TMEM156: variants seen among roughly 807,000 people sequenced by gnomAD.
TMEM156 encodes transmembrane protein 156.
Under a neutral mutation model 30.5 loss-of-function variants are expected in TMEM156, and 28 were observed. The ratio of observed to expected loss-of-function variants is 0.92; its 90% CI spans 0.68 to 1.26. The LOEUF is 1.26. Ranked by LOEUF, TMEM156 falls within the 50% of genes most tolerant of loss-of-function variation. The pLI, the probability that TMEM156 is intolerant of heterozygous loss-of-function variation, is 0.00. For synonymous variants in TMEM156, 137 were observed against 119.9 expected (o/e 1.14, Z -0.93); for missense variants, 351 against 340.6 (o/e 1.03, Z -0.24).
intron 5 of TMEM156, among the ~76,000 whole-genome samples, chr4:38,984,544 C>G (rs201006075): frequency 6.6e-6 from 1 of 152,102 alleles, no homozygotes; most frequent in East Asian, 1.9e-4. Flanking sequence ...TCCAGAGAAC[C>G]ATGCTGACAC....
intron 1 of TMEM156, among the ~76,000 whole-genome samples, chr4:39,002,580 C>A (rs1344288196): frequency 7.0e-6 from 1 of 143,820 alleles, no homozygotes; most frequent in Non-Finnish European, 1.5e-5. Context: ...AAGACACATG[C>A]ACACGTATGT....
In TMEM156 at chr4:38,986,604, C is replaced by G. The variant is rs145339353; in HGVS notation, c.740-185G>C. 8.0e-3 allele frequency among the ~76,000 whole-genome samples: 1,220 copies of G among 151,622 alleles called. 15 individuals are homozygous for G. The highest frequency in any genetic ancestry group is 0.027 in the African/African-American group (1,133 of 41,376). The stretch of plus-strand genomic sequence containing the variant: ...CAGGGAGATCACGAAGTCAGGAGTT[C>G]GAACCCAGCCTGGCCAATATGGTGA... On this transcript the variant is annotated intron_variant, in intron 4 of 6. Coordinates refer to ENST00000381938, the MANE Select transcript of TMEM156 (RefSeq NM_024943.3).
chr4:38,980,595 A>G (rs1723129636), intron 5 of TMEM156, among the ~76,000 whole-genome samples: 1 of 152,198 alleles, frequency 6.6e-6, no homozygotes, highest in Non-Finnish European at 1.5e-5. Flanking sequence ...AATAACACAA[A>G]GCACAATAAC....
At chr4:39,032,064 T>C (rs978921203) in intron 1 of TMEM156, among the ~76,000 whole-genome samples, 162 bp downstream of exon 1, 3 of 152,158 alleles carry the variant, frequency 2.0e-5, no homozygotes, top group African/African-American at 7.2e-5. Flanking sequence ...CTGTACTATA[T>C]AACAGTCAAC....
At chr4:39,020,102 A>T (rs1382974372) in intron 1 of TMEM156, among the ~76,000 whole-genome samples, 1 of 152,184 alleles carries the variant, frequency 6.6e-6, no homozygotes, top group Non-Finnish European at 1.5e-5. Flanking sequence ...AGTATCCCCC[A>T]GATTCATTCA....
intron 3 of TMEM156, among the ~76,000 whole-genome samples, chr4:38,991,227 CT>C (rs111885547): frequency 0.018 from 2,257 of 126,428 alleles, 38 homozygotes; most frequent in African/African-American, 0.056. Flanking sequence ...CTTTTCTTTT[CT>C]TTTTTTTTTT....
At chr4:39,032,133 T>C in intron 1 of TMEM156, 93 bp downstream of exon 1, 1 of 754,988 alleles carries the variant, frequency 1.3e-6, no homozygotes, top group Non-Finnish European at 2.2e-6. Context: ...CTATGCAGCA[T>C]GTGTCCAAAA....
At chr4:39,011,660 G>A (rs563323209) in intron 1 of TMEM156, among the ~76,000 whole-genome samples, 117 of 152,248 alleles carry the variant, frequency 7.7e-4, no homozygotes, top group Non-Finnish European at 1.4e-3. Flanking sequence ...TGTAATCCCA[G>A]CTACCCGGGA....
intron 1 of TMEM156, among the ~76,000 whole-genome samples, chr4:39,001,676 A>G (rs1314670007): frequency 6.6e-6 from 1 of 150,976 alleles, no homozygotes; most frequent in African/African-American, 2.4e-5. Flanking sequence ...TACTGGTACC[A>G]AAACAGAGAT....
chr4:38,998,433 A>G, intron 2 of TMEM156: 1 of 268,496 alleles, frequency 3.7e-6, no homozygotes, highest in Non-Finnish European at 6.4e-6. Context: ...GGTCCCAGCT[A>G]CTCGGGAGGC....
intron 5 of TMEM156, among the ~76,000 whole-genome samples, chr4:38,978,280 A>G (rs1381310163): frequency 6.6e-6 from 1 of 152,194 alleles, no homozygotes; most frequent in African/African-American, 2.4e-5. Context: ...AAAAATACCA[A>G]GAAGGAGTAA....
chr4:39,021,536 A>G (rs1714868388), intron 1 of TMEM156, among the ~76,000 whole-genome samples: 1 of 152,196 alleles, frequency 6.6e-6, no homozygotes, highest in Non-Finnish European at 1.5e-5. Flanking sequence ...AATTCCTTAT[A>G]TATTTTGGAT....
intron 1 of TMEM156, among the ~76,000 whole-genome samples, chr4:39,015,453 G>A (rs193147632): frequency 6.6e-6 from 1 of 152,186 alleles, no homozygotes; most frequent in Non-Finnish European, 1.5e-5. Context: ...TGGCTTTGAA[G>A]ATGGAAGGAG....
chr4:39,001,237 A>T (rs971576375), intron 1 of TMEM156, among the ~76,000 whole-genome samples: 1 of 149,166 alleles, frequency 6.7e-6, no homozygotes, highest in African/African-American at 2.5e-5. Flanking sequence ...AAAAGAAAAA[A>T]TTAGCTGGGC....
chr4:39,004,854 T>A (rs991592385), intron 1 of TMEM156, among the ~76,000 whole-genome samples: 10 of 152,136 alleles, frequency 6.6e-5, no homozygotes, highest in Admixed American at 3.9e-4. Flanking sequence ...ACTTACCATA[T>A]GACCCAAAAA....
At chr4:39,025,509 T>C (rs1337412998) in intron 1 of TMEM156, among the ~76,000 whole-genome samples, 1 of 152,170 alleles carries the variant, frequency 6.6e-6, no homozygotes, top group Admixed American at 6.5e-5. Flanking sequence ...GTATGGGTGA[T>C]ATATCTGTAG....
rs1457861094 is a variant in TMEM156 at position 39,023,136 on chromosome 4, A to G, written c.88+9090T>C. On this transcript the variant is annotated intron_variant, in intron 1 of 6. Transcript: ENST00000381938. ...AAGAGACCAGAGAGGTAACTAGTCC[A>G]TCCTGTAAGAATACAAAGAAAAGTC... Among the ~76,000 whole-genome samples the G allele has an allele frequency of 3.9e-5, 6 of 152,226 alleles. No homozygotes were observed. The East Asian group carries it at 1.2e-3, about 29-fold the overall frequency.
At chr4:39,030,111 G>C (rs752851727) in intron 1 of TMEM156, among the ~76,000 whole-genome samples, 2 of 151,832 alleles carry the variant, frequency 1.3e-5, no homozygotes, top group East Asian at 1.9e-4. Flanking sequence ...CAGCTGCTTG[G>C]GGACTGAGGC....
chr4:38,981,525 G>C (rs1464493160), intron 5 of TMEM156, among the ~76,000 whole-genome samples: 1 of 152,164 alleles, frequency 6.6e-6, no homozygotes, highest in Non-Finnish European at 1.5e-5. Flanking sequence ...GAGCAGGAAG[G>C]CTTTTGATCT....
Sources: allele counts gnomAD v4.1 joint callset (sites outside exome capture counted in the v4.1 genomes callset), GRCh38; gene constraint gnomAD v4.1.1; transcripts MANE v1.5; gene names NCBI Gene and HGNC (gene_info 2026-07-23, HGNC 2026-07-21).